The following ARHGAP26 variants were observed in gnomAD, a reference collection of about 807,000 sequenced individuals.
ARHGAP26 encodes the protein Rho GTPase activating protein 26.
In ARHGAP26, 38 loss-of-function variants were observed where a neutral mutation model predicts 104.8. That is an observed-to-expected ratio of 0.36 (90% CI 0.28 to 0.48). The LOEUF (loss-of-function observed/expected upper bound fraction) is 0.48, where lower values mean the gene tolerates loss of function less well. ARHGAP26 is among the 20% of genes least tolerant of loss of function. The probability of loss-of-function intolerance (pLI) is 0.99; values close to 1 mark genes in which losing one functional copy is unlikely to be tolerated. For synonymous variants in ARHGAP26, 341 were observed against 340.0 expected (o/e 1.00, Z -0.03); for missense variants, 704 against 947.9 (o/e 0.74, Z 3.38).
chr5:142,873,255 G>T lies in ARHGAP26; in HGVS notation c.155-145G>T, dbSNP rs544295483. The T allele has an allele frequency of 7.4e-4, 446 of 605,670 alleles. 2 individuals are homozygous for T. Among genetic ancestry groups the T allele is most frequent in the Middle Eastern group, 2.5e-3 (6 of 2,372 alleles). 37.5% of individuals were successfully genotyped at this position (605,670 alleles called of 1,614,324 possible). A position where few individuals can be genotyped will look rare whatever the true frequency, so the allele number is the denominator to read the frequency against. On this transcript the variant is annotated intron_variant, in intron 1 of 22. Transcript: ENST00000645722. ...ATTGTAACCAAGTGTTGACTATTTT[G>T]AATTTATATTCTTTTGTGCTTTGAA...
intron 20 of ARHGAP26, among the ~76,000 whole-genome samples, chr5:143,194,701 AT>A (rs1179580886): frequency 3.9e-5 from 6 of 152,052 alleles, no homozygotes; most frequent in Non-Finnish European, 7.4e-5. Context: ...TTTTCCTTCA[AT>A]TTGTTTTTAT....
chr5:143,075,335 TA>T (rs1323429413), intron 17 of ARHGAP26, among the ~76,000 whole-genome samples: 2 of 150,134 alleles, frequency 1.3e-5, no homozygotes, highest in East Asian at 3.9e-4. Flanking sequence ...ATAATTTTAT[TA>T]AAAATATGTA....
chr5:143,195,510 T>C (rs1184351995), intron 20 of ARHGAP26, among the ~76,000 whole-genome samples: 1 of 152,172 alleles, frequency 6.6e-6, no homozygotes, highest in African/African-American at 2.4e-5. Flanking sequence ...GTTGTTAACA[T>C]GTTGTGCAGC....
At chr5:143,042,977 T>C (rs1783696401) in intron 14 of ARHGAP26, among the ~76,000 whole-genome samples, 1 of 152,228 alleles carries the variant, frequency 6.6e-6, no homozygotes, top group African/African-American at 2.4e-5. Flanking sequence ...TTGTAAAAAT[T>C]AAACTTTTCA....
intron 20 of ARHGAP26, chr5:143,193,766 T>A (rs1806333983): frequency 6.6e-6 from 1 of 152,256 alleles, no homozygotes; most frequent in South Asian, 2.1e-4. Flanking sequence ...TACATTCACA[T>A]AATTTTCATT....
intron 1 of ARHGAP26, among the ~76,000 whole-genome samples, chr5:142,849,962 C>T (rs765619658): frequency 3.9e-5 from 6 of 152,210 alleles, no homozygotes; most frequent in South Asian, 2.1e-4. Context: ...CTTCTCACCA[C>T]GCCAACCACT....
At chr5:142,921,636 T>A (rs1277804376) in intron 10 of ARHGAP26, 1 of 166,912 alleles carries the variant, frequency 6.0e-6, no homozygotes, top group Non-Finnish European at 1.5e-5. Flanking sequence ...GCACCCTCAT[T>A]TCAAATATGT....
chr5:142,771,592 A>T (rs1755220565), intron 1 of ARHGAP26, among the ~76,000 whole-genome samples: 2 of 152,168 alleles, frequency 1.3e-5, no homozygotes, highest in South Asian at 2.1e-4. Flanking sequence ...TTTACTCTAA[A>T]CTGTGGGCGA....
At chr5:143,135,023 G>A (rs972668521) in intron 19 of ARHGAP26, among the ~76,000 whole-genome samples, 1 of 152,246 alleles carries the variant, frequency 6.6e-6, no homozygotes, top group Non-Finnish European at 1.5e-5. Flanking sequence ...ATATAAGCAT[G>A]GGACCTTGGC....
intron 20 of ARHGAP26, among the ~76,000 whole-genome samples, chr5:143,188,797 T>C (rs1805498084): frequency 6.6e-6 from 1 of 152,226 alleles, no homozygotes; most frequent in South Asian, 2.1e-4. Context: ...ACTTTAGAAC[T>C]GTTACATCTC....
intron 4 of ARHGAP26, among the ~76,000 whole-genome samples, chr5:142,884,247 G>T (rs965370594): frequency 2.6e-5 from 4 of 152,150 alleles, no homozygotes; most frequent in Admixed American, 6.5e-5. Flanking sequence ...GGCTTTGGAG[G>T]CACATTGTCC....
intron 11 of ARHGAP26, among the ~76,000 whole-genome samples, chr5:142,963,198 A>ATG (rs1217350223): frequency 0.03 from 2,987 of 98,252 alleles, 91 homozygotes; most frequent in African/African-American, 0.054. Flanking sequence ...ATATATATAT[A>ATG]TGTGTGTGTG....
At position 142,869,309 on chromosome 5, in the gene ARHGAP26, C is replaced by T. The variant is rs774235983; in HGVS notation, c.155-4091C>T. ...GCAGCCTCAGCCTCCCGGGTTCACG[C>T]GATTCTCCTGCCTCAGCCTCCCTGA... is the stretch of plus-strand genomic sequence containing the variant. On this transcript the variant is annotated intron_variant, in intron 1 of 22. Transcript: ENST00000645722. Among the ~76,000 whole-genome samples the T allele has an allele frequency of 4.6e-5, 7 of 151,322 alleles. No individual in the cohort carries two copies. The South Asian group carries it at 8.3e-4, about 18-fold the overall frequency.
chr5:143,185,893 A>G (rs1231876515), intron 20 of ARHGAP26, among the ~76,000 whole-genome samples: 5 of 152,138 alleles, frequency 3.3e-5, no homozygotes, highest in Non-Finnish European at 1.5e-5. Flanking sequence ...TTGACCTTGC[A>G]TCCCCGGTGG....
At chr5:142,916,695 T>A (rs996964487) in intron 10 of ARHGAP26, among the ~76,000 whole-genome samples, 3 of 152,142 alleles carry the variant, frequency 2.0e-5, no homozygotes, top group African/African-American at 7.2e-5. Flanking sequence ...AGAATGTAAC[T>A]ACTAGGAAAG....
rs564261091 is a variant in ARHGAP26 at position 142,787,732 on chromosome 5, T to A, written c.154+16817T>A. 3.3e-5 allele frequency among the ~76,000 whole-genome samples: 5 copies of A among 152,334 alleles called. No individual in the cohort carries two copies. In the South Asian group the frequency reaches 1.0e-3, roughly 32 times the overall value. On this transcript the variant is annotated intron_variant, in intron 1 of 22. Transcript: ENST00000645722. ...TGATTATATAGACAATACATGTTCA[T>A]TAGAGAAAATTTAGAAATTACAGAT...
At chr5:142,852,536 C>T (rs987837730) in intron 1 of ARHGAP26, among the ~76,000 whole-genome samples, 1 of 152,198 alleles carries the variant, frequency 6.6e-6, no homozygotes, top group African/African-American at 2.4e-5. Flanking sequence ...TTATAGCATT[C>T]GTGCTATTAA....
At chr5:143,054,892 T>C (rs941277058) in intron 15 of ARHGAP26, among the ~76,000 whole-genome samples, 1 of 152,270 alleles carries the variant, frequency 6.6e-6, no homozygotes, top group Non-Finnish European at 1.5e-5. Flanking sequence ...ACATACCTCA[T>C]GTATTTTGAT....
chr5:142,780,055 T>A (rs1440517977), intron 1 of ARHGAP26, among the ~76,000 whole-genome samples: 1 of 152,324 alleles, frequency 6.6e-6, no homozygotes, highest in Admixed American at 6.5e-5. Context: ...ATTTTATTGG[T>A]TTCTTTGGTA....
Sources: allele counts gnomAD v4.1 joint callset (sites outside exome capture counted in the v4.1 genomes callset), GRCh38; gene constraint gnomAD v4.1.1; transcripts MANE v1.5; gene names NCBI Gene and HGNC (gene_info 2026-07-23, HGNC 2026-07-21).